Variants in DNAAF5 observed in about 807,000 individuals in gnomAD.
DNAAF5 encodes HEAT repeat containing 2.
DNAAF5 carries 64 observed loss-of-function variants against 75.8 expected under a neutral mutation model. The observed-to-expected ratio is 0.84, with a 90% CI of 0.69 to 1.04. The LOEUF (loss-of-function observed/expected upper bound fraction) is 1.04. DNAAF5 is among the 50% of genes least tolerant of loss of function. DNAAF5 has a pLI of 0.00. For synonymous variants in DNAAF5, 657 were observed against 557.2 expected, an observed-to-expected ratio of 1.18 and a Z score of -2.52; for missense variants, 1,269 against 1,178.5, an observed-to-expected ratio of 1.08 and a Z score of -1.12.
intron 2 of DNAAF5, among the ~76,000 whole-genome samples, chr7:737,766 G>A (rs1334197022): frequency 1.3e-5 from 2 of 152,246 alleles, no homozygotes; most frequent in Non-Finnish European, 2.9e-5. Flanking sequence ...GGTCTCCTCT[G>A]AGAAGTCGTT....
In DNAAF5 at chr7:726,707, G is replaced by A; in HGVS notation, c.-14G>A. The stretch of plus-strand genomic sequence containing the variant: ...AAAGCGCTGTTCCCCTTAGTGACCG[G>A]CGACGCGGGCAAGATGGCGGCGCTG... On this transcript the variant is annotated 5_prime_UTR_variant, in exon 1 of 13. Coordinates refer to ENST00000297440, the MANE Select transcript of DNAAF5 (RefSeq NM_017802.4). 1 of 1,238,336 alleles carries A rather than the reference G, an allele frequency of 8.1e-7. No homozygotes were observed. Among genetic ancestry groups the A allele is most frequent in the Non-Finnish European group, 1.0e-6 (1 of 991,668 alleles). The allele number at this position is 1,238,336 out of a possible 1,614,324, so 76.7% of individuals were successfully genotyped here. A position where few individuals can be genotyped will look rare whatever the true frequency, so the allele number is the denominator to read the frequency against.
chr7:763,727 G>A, intron 7 of DNAAF5, 79 bp from the exon 8 acceptor site: 1 of 1,483,016 alleles, frequency 6.7e-7, no homozygotes. Flanking sequence ...CGCGTGAGGG[G>A]GATAGTGAGT....
chr7:782,537 T>C (rs1455698733), intron 12 of DNAAF5, among the ~76,000 whole-genome samples: 45 of 112,626 alleles, frequency 4.0e-4, no homozygotes, highest in African/African-American at 1.2e-3. Context: ...CGCATCTTCC[T>C]GGTGTGGCCG....
chr7:777,564 A>G (rs6962050), intron 11 of DNAAF5, among the ~76,000 whole-genome samples: 127,167 of 151,008 alleles, frequency 0.84, 53,609 homozygotes, highest in Middle Eastern at 0.91. Flanking sequence ...AGCGAGGGAG[A>G]AAGGGGATGG....
chr7:742,876 CCCAGCTCAAATCAATCATGT>C (rs1475328047), intron 4 of DNAAF5, among the ~76,000 whole-genome samples: 10 of 142,882 alleles, frequency 7.0e-5, no homozygotes, highest in African/African-American at 1.3e-4. Context: ...AAATCAGATG[CCCAGCTCAAATCAATCATGT>C]CCAGCTCAAA....
rs374290121 is a variant in DNAAF5, at chr7:770,472, C to A, written c.1785C>A (p.Gly595=). 5.6e-6 allele frequency: 9 copies of A among 1,612,608 alleles called. No homozygotes were observed. Among genetic ancestry groups the A allele is most frequent in the Non-Finnish European group, 7.6e-6 (9 of 1,179,632 alleles). Residue 595 remains glycine, a splice_region_variant and synonymous_variant, in exon 9 of 13, where the codon GGC becomes GGA. Coordinates refer to ENST00000297440, the MANE Select transcript of DNAAF5 (RefSeq NM_017802.4). ...AGGAGCCTCTGTTGTGTCTTACAGGCCCTGCCCTGGGAGAAGCCCTGCCAC... is the reference window on the plus strand; with the variant it reads ...AGGAGCCTCTGTTGTGTCTTACAGGACCTGCCCTGGGAGAAGCCCTGCCAC... ...LQFSVIVAQS[G]PALGEALPHV... is the part of the protein sequence containing the mutation.
intron 4 of DNAAF5, among the ~76,000 whole-genome samples, chr7:744,382 T>C (rs1490877377): frequency 6.6e-6 from 1 of 152,230 alleles, no homozygotes; most frequent in Non-Finnish European, 1.5e-5. Context: ...CTATTGTGAA[T>C]AGAGCTGCAA....
chr7:784,078 A>G (rs1779071684), intron 12 of DNAAF5, among the ~76,000 whole-genome samples: 1 of 149,048 alleles, frequency 6.7e-6, no homozygotes, highest in Non-Finnish European at 1.5e-5. Flanking sequence ...CCCTGGAAGC[A>G]GCCCGCCTTA....
In DNAAF5 at chr7:782,064, GTCCGGTTTCCCGGCGTGGCTACA is replaced by G. The variant is rs543328903; in HGVS notation, c.2431+1928_2431+1950del. Among the ~76,000 whole-genome samples the G allele has an allele frequency of 1.7e-4, 26 of 152,344 alleles. 1 individual carries two copies. The South Asian group carries it at 5.2e-3, about 30-fold the overall frequency. The stretch of plus-strand genomic sequence containing the variant: ...ACTTAGACCTTCCCCGCGCAGCTGC[GTCCGGTTTCCCGGCGTGGCTACA>G]TCCGGTTATGCGATGTCGGATCTTC... On this transcript the variant is annotated intron_variant, in intron 12 of 12. Coordinates refer to ENST00000297440, the MANE Select transcript of DNAAF5 (RefSeq NM_017802.4).
chr7:783,874 G>T (rs749222150), intron 12 of DNAAF5, among the ~76,000 whole-genome samples: 2 of 152,158 alleles, frequency 1.3e-5, no homozygotes, highest in African/African-American at 4.8e-5. Flanking sequence ...GAGGAGACCA[G>T]TGCCCCTGTG....
At chr7:738,739 T>A (rs180959596) in intron 2 of DNAAF5, among the ~76,000 whole-genome samples, 10 of 152,334 alleles carry the variant, frequency 6.6e-5, no homozygotes, top group African/African-American at 2.4e-4. Flanking sequence ...ATAGAAAAGG[T>A]GGCAGTCCGT....
intron 10 of DNAAF5, among the ~76,000 whole-genome samples, chr7:774,532 A>C (rs1279615683): frequency 4.7e-5 from 7 of 148,312 alleles, no homozygotes; most frequent in Non-Finnish European, 1.0e-4. Context: ...CCCAGGATCC[A>C]GGCCAGAGGA....
chr7:750,199 A>T (rs1782248006), intron 4 of DNAAF5, among the ~76,000 whole-genome samples: 1 of 152,200 alleles, frequency 6.6e-6, no homozygotes, highest in Non-Finnish European at 1.5e-5. Flanking sequence ...TGTTGAGTGC[A>T]GTCACCTGCT....
In DNAAF5 at chr7:763,961, C is replaced by T. The variant is rs766844619; in HGVS notation, c.1770C>T (p.Ile590=). 17 of 1,604,434 alleles carry T rather than the reference C, an allele frequency of 1.1e-5. No homozygotes were observed. The highest frequency in any genetic ancestry group is 8.8e-5 in the South Asian group (8 of 91,078). ...HSPELLQFSV[I]VAQSGPALGE... The stretch of plus-strand genomic sequence containing the variant: ...CGGAGCTCCTGCAGTTCAGTGTCAT[C>T]GTCGCACAGTCAGGTGAGCCGTCCC... Residue 590 remains isoleucine, a synonymous_variant, in exon 8 of 13, where the codon ATC becomes ATT. Coordinates refer to ENST00000297440, the MANE Select transcript of DNAAF5 (RefSeq NM_017802.4).
intron 4 of DNAAF5, among the ~76,000 whole-genome samples, chr7:751,854 A>G (rs1335038669): frequency 6.6e-6 from 1 of 152,166 alleles, no homozygotes; most frequent in Non-Finnish European, 1.5e-5. Context: ...GATTACAGGC[A>G]TGAGCCACCG....
chr7:771,725 C>T (rs1015331652), intron 9 of DNAAF5: 2 of 152,042 alleles, frequency 1.3e-5, no homozygotes, highest in Admixed American at 6.5e-5. Context: ...ACAGCAGGGT[C>T]CAGGCCCTTC....
intron 10 of DNAAF5, 63 bp downstream of exon 10, chr7:774,261 C>T (rs559105989): frequency 1.1e-5 from 16 of 1,484,066 alleles, no homozygotes; most frequent in Middle Eastern, 2.3e-4. Context: ...TCCTGGCGCC[C>T]GGCAGAGCTC....
In DNAAF5 at chr7:746,333, G is replaced by A. The variant is rs1451512939; in HGVS notation, c.1024+4868G>A. On this transcript the variant is annotated intron_variant, in intron 4 of 12. Coordinates refer to ENST00000297440, the MANE Select transcript of DNAAF5 (RefSeq NM_017802.4). ...CACTTTCCCCCGCCCGTCATGCCCA[G>A]GGCCTGTGACGCCCTCCTTACCGTC... Among the ~76,000 whole-genome samples the A allele has an allele frequency of 6.8e-5, 8 of 118,280 alleles. 2 individuals are homozygous for A. The highest frequency in any genetic ancestry group is 1.2e-4 in the Non-Finnish European group (7 of 60,734). The allele number at this position is 118,280 out of a possible 152,430, so 77.6% of individuals were successfully genotyped here.
In DNAAF5 at chr7:764,076, G is replaced by A. The variant is rs1255987157; in HGVS notation, c.1783+102G>A. 14 of 1,281,948 alleles carry A rather than the reference G, an allele frequency of 1.1e-5. No homozygotes were observed. In the South Asian group the frequency reaches 1.3e-4, roughly 12 times the overall value. The allele number at this position is 1,281,948 out of a possible 1,614,324, so 79.4% of individuals were successfully genotyped here. On this transcript the variant is annotated intron_variant, in intron 8 of 12. Transcript: ENST00000297440. ...GGTACCAGCGCCGACCAGCTGAGCT[G>A]TGGTTCACTGAAGCGTGTTGTTAAA...
Sources: gnomAD v4.1 joint callset for allele counts (sites outside exome capture counted in the v4.1 genomes callset) on GRCh38, gnomAD v4.1.1 for gene constraint, MANE v1.5 for transcripts, NCBI Gene and HGNC (gene_info 2026-07-23, HGNC 2026-07-21) for gene names.